RGS7: variants seen among roughly 807,000 people sequenced by gnomAD.
RGS7 encodes regulator of G-protein signaling 7.
In RGS7, 27 loss-of-function variants were observed where a neutral mutation model predicts 81.1. The observed-to-expected ratio is 0.33, with a 90% CI of 0.25 to 0.46. The LOEUF (loss-of-function observed/expected upper bound fraction) is 0.46, where lower values mean the gene tolerates loss of function less well. Ranked by LOEUF, RGS7 falls within the 20% of genes least tolerant of loss-of-function variation. The pLI is 1.00. For missense variants in RGS7, 396 were observed against 607.4 expected, an observed-to-expected ratio of 0.65 and a Z score of 3.66; for synonymous variants, 208 against 207.7, an observed-to-expected ratio of 1.00 and a Z score of -0.01.
At chr1:240,845,443 C>A (rs889447616) in intron 9 of RGS7, among the ~76,000 whole-genome samples, 3 of 152,084 alleles carry the variant, frequency 2.0e-5, no homozygotes, top group Admixed American at 2.0e-4. Context: ...GGTCCTGGTG[C>A]GATATAATAT....
rs548398929 is a variant in RGS7 at position 241,322,911 on chromosome 1, G to C, written c.78+32788C>G. On this transcript the variant is annotated intron_variant, in intron 2 of 18. Transcript: ENST00000440928. ...AAATAAAAATAGGATCATGAATATT[G>C]CTCAGACTTTGAATTTTTATACTGT... 7.2e-4 allele frequency among the ~76,000 whole-genome samples: 110 copies of C among 152,208 alleles called. 1 individual carries two copies. The highest frequency in any genetic ancestry group is 2.5e-3 in the African/African-American group (102 of 41,544).
intron 2 of RGS7, among the ~76,000 whole-genome samples, chr1:241,237,828 C>T (rs1048389955): frequency 6.6e-6 from 1 of 152,160 alleles, no homozygotes; most frequent in Non-Finnish European, 1.5e-5. Context: ...GCCAGGAAAG[C>T]TGTCAGTGCA....
intron 3 of RGS7, among the ~76,000 whole-genome samples, chr1:241,013,211 C>T (rs1437246304): frequency 1.3e-5 from 2 of 151,972 alleles, no homozygotes; most frequent in African/African-American, 2.4e-5. Flanking sequence ...TACAGGTGTG[C>T]ACCACCATGC....
intron 3 of RGS7, among the ~76,000 whole-genome samples, chr1:241,028,685 G>A (rs1264891678): frequency 6.6e-6 from 1 of 152,114 alleles, no homozygotes; most frequent in East Asian, 1.9e-4. Context: ...GGAGGCGCAG[G>A]GACTGGAGCT....
intron 2 of RGS7, among the ~76,000 whole-genome samples, chr1:241,151,776 A>G (rs2068775020): frequency 6.6e-6 from 1 of 152,128 alleles, no homozygotes; most frequent in Non-Finnish European, 1.5e-5. Flanking sequence ...GACACACTAT[A>G]GGATAAAGTT....
chr1:241,201,694 C>T (rs1166250584), intron 2 of RGS7, among the ~76,000 whole-genome samples: 2 of 152,044 alleles, frequency 1.3e-5, no homozygotes, highest in Non-Finnish European at 2.9e-5. Context: ...TGAATAGGTA[C>T]TTTATATGCT....
intron 6 of RGS7, among the ~76,000 whole-genome samples, chr1:240,884,366 C>T (rs979134113): frequency 1.3e-5 from 2 of 152,106 alleles, no homozygotes; most frequent in Non-Finnish European, 2.9e-5. Context: ...TCCTGTATTT[C>T]CCCCAGGATC....
intron 2 of RGS7, among the ~76,000 whole-genome samples, chr1:241,157,389 T>TC (rs1359732016): frequency 4.6e-5 from 7 of 152,082 alleles, no homozygotes; most frequent in African/African-American, 1.2e-4. Flanking sequence ...AGGCAAGGGG[T>TC]CCCCCTACAT....
chr1:240,778,279 G>A (rs188781828), intron 18 of RGS7, among the ~76,000 whole-genome samples: 35 of 152,294 alleles, frequency 2.3e-4, no homozygotes, highest in Admixed American at 1.8e-3. Flanking sequence ...GAACTTGAGC[G>A]GGAAGGGATC....
At chr1:241,291,189 C>T (rs1034244368) in intron 2 of RGS7, among the ~76,000 whole-genome samples, 1 of 152,132 alleles carries the variant, frequency 6.6e-6, no homozygotes, top group African/African-American at 2.4e-5. Context: ...TATAAGAACA[C>T]AAAGGAGGAA....
chr1:240,862,558 T>G (rs927470368), intron 9 of RGS7, among the ~76,000 whole-genome samples: 10 of 151,276 alleles, frequency 6.6e-5, no homozygotes, highest in African/African-American at 9.7e-5. Context: ...TGTTACCTGG[T>G]TTTTTTTTAT....
chr1:240,811,002 G>A (rs542081568), intron 14 of RGS7, among the ~76,000 whole-genome samples: 38 of 152,250 alleles, frequency 2.5e-4, no homozygotes, highest in Non-Finnish European at 5.0e-4. Flanking sequence ...ATGTGTCAGC[G>A]TCCTACATCT....
intron 2 of RGS7, among the ~76,000 whole-genome samples, chr1:241,331,307 T>G (rs1477268238): frequency 1.3e-5 from 2 of 152,186 alleles, no homozygotes; most frequent in Non-Finnish European, 2.9e-5. Context: ...CTATTAAATT[T>G]AAAGTATTAT....
intron 4 of RGS7, among the ~76,000 whole-genome samples, chr1:240,945,650 T>C (rs1558507295): frequency 6.6e-6 from 1 of 152,230 alleles, no homozygotes; most frequent in Non-Finnish European, 1.5e-5. Context: ...ACTGAAACAG[T>C]CACAGTTTTT....
At chr1:241,286,543 T>G (rs2078821307) in intron 2 of RGS7, among the ~76,000 whole-genome samples, 1 of 152,208 alleles carries the variant, frequency 6.6e-6, no homozygotes, top group African/African-American at 2.4e-5. Context: ...CAAGCCTGAC[T>G]GCACAAACTA....
intron 18 of RGS7, among the ~76,000 whole-genome samples, chr1:240,796,854 G>C (rs934753769): frequency 1.9e-4 from 29 of 152,116 alleles, no homozygotes; most frequent in African/African-American, 6.8e-4. Context: ...AATACACCAG[G>C]ACAGAGAGAA....
intron 4 of RGS7, among the ~76,000 whole-genome samples, chr1:240,943,520 G>C (rs952829805): frequency 7.2e-5 from 11 of 152,144 alleles, no homozygotes; most frequent in Non-Finnish European, 1.5e-4. Flanking sequence ...CTAGTTTAAG[G>C]GGCGATGGGA....
chr1:241,269,027 T>C (rs948280350), intron 2 of RGS7, among the ~76,000 whole-genome samples: 1 of 152,244 alleles, frequency 6.6e-6, no homozygotes, highest in Non-Finnish European at 1.5e-5. Flanking sequence ...AGTACGTGCA[T>C]AATGAATTTC....
intron 2 of RGS7, among the ~76,000 whole-genome samples, chr1:241,160,959 C>T (rs180902239): frequency 6.6e-5 from 10 of 151,986 alleles, no homozygotes; most frequent in Admixed American, 2.0e-4. Flanking sequence ...ATTTTGAATC[C>T]GGTTAGACAT....
Sources: allele counts gnomAD v4.1 joint callset (sites outside exome capture counted in the v4.1 genomes callset), GRCh38; gene constraint gnomAD v4.1.1; transcripts MANE v1.5; gene names NCBI Gene and HGNC (gene_info 2026-07-23, HGNC 2026-07-21).